The following CNTNAP5 variants were observed in gnomAD, a reference collection of about 807,000 sequenced individuals.
The protein encoded by CNTNAP5 is contactin-associated protein-like 5.
In CNTNAP5, 72 loss-of-function variants were observed where a neutral mutation model predicts 150.2. That is an observed-to-expected ratio of 0.48 (90% confidence interval 0.40 to 0.58). The LOEUF (loss-of-function observed/expected upper bound fraction) is 0.58. CNTNAP5 is among the 20% of genes least tolerant of loss of function. CNTNAP5 has a pLI of 0.00. For missense variants in CNTNAP5, 1,636 were observed against 1,626.2 expected (o/e 1.01, Z -0.10); for synonymous variants, 672 against 619.8 (o/e 1.08, Z -1.25).
In CNTNAP5 at chr2:124,400,684, T is replaced by G. The variant is rs550150279; in HGVS notation, c.382-16759T>G. ...TAAAGGCATTGTTTTTTTTTTTTTT[T>G]TTTTGTTTTTTTTCTTTAGTGGAAT... On this transcript the variant is annotated intron_variant, in intron 3 of 23. Transcript: ENST00000682447. Among the ~76,000 whole-genome samples the G allele has an allele frequency of 2.4e-3, 312 of 130,446 alleles. 2 individuals carry two copies. The highest frequency in any genetic ancestry group is 3.7e-3 in the Middle Eastern group (1 of 268). 85.6% of individuals were successfully genotyped at this position (130,446 alleles called of 152,430 possible). A position where few individuals can be genotyped will look rare whatever the true frequency, so the allele number is the denominator to read the frequency against.
chr2:124,713,239 CTTTCTCT>C lies in CNTNAP5; in HGVS notation c.2078-33987_2078-33981del, dbSNP rs1218854241. Among the ~76,000 whole-genome samples the C allele has an allele frequency of 5.2e-5, 3 of 57,414 alleles. 1 individual carries two copies. The highest frequency in any genetic ancestry group is 1.4e-3 in the South Asian group (2 of 1,474). The allele number at this position is 57,414 out of a possible 152,430, so 37.7% of individuals were successfully genotyped here. ...TCTCTGTTTCTTTCTTTCTTTCTTT[CTTTCTCT>C]TTCTTTCTTTCTTTCTTTCTTTCTT... On this transcript the variant is annotated intron_variant, in intron 13 of 23. Coordinates refer to ENST00000682447, the MANE Select transcript of CNTNAP5 (RefSeq NM_001367498.1).
intron 1 of CNTNAP5, among the ~76,000 whole-genome samples, chr2:124,205,104 C>T (rs761649140): frequency 2.4e-4 from 36 of 152,264 alleles, no homozygotes; most frequent in Middle Eastern, 3.4e-3. Context: ...GAAACTGGTA[C>T]GGTGTGACCG....
At chr2:124,605,809 C>CAAAAA (rs36090348) in intron 11 of CNTNAP5, among the ~76,000 whole-genome samples, 8 of 34,354 alleles carry the variant, frequency 2.3e-4, no homozygotes, top group African/African-American at 4.1e-4. Flanking sequence ...AAGACTCTGT[C>CAAAAA]AAAAAAAAAA....
At chr2:124,861,147 T>C (rs1293857630) in intron 19 of CNTNAP5, among the ~76,000 whole-genome samples, 1 of 151,994 alleles carries the variant, frequency 6.6e-6, no homozygotes, top group Admixed American at 6.6e-5. Flanking sequence ...TGAAAAGGGA[T>C]CTTATCAGGG....
At chr2:124,804,229 G>T (rs913762746) in intron 19 of CNTNAP5, among the ~76,000 whole-genome samples, 2 of 152,122 alleles carry the variant, frequency 1.3e-5, no homozygotes, top group African/African-American at 4.8e-5. Flanking sequence ...GAGTCCTCCT[G>T]GTCACTTTCT....
At chr2:124,463,839 T>TA (rs1693312882) in intron 6 of CNTNAP5, among the ~76,000 whole-genome samples, 1 of 152,154 alleles carries the variant, frequency 6.6e-6, no homozygotes, top group Non-Finnish European at 1.5e-5. Flanking sequence ...GTGTGGCACT[T>TA]AGAGTTGGGG....
chr2:124,047,384 C>A (rs17010766), intron 1 of CNTNAP5, among the ~76,000 whole-genome samples: 10,360 of 152,322 alleles, frequency 0.068, 431 homozygotes, highest in East Asian at 0.18. Context: ...GGTGAAGTAT[C>A]TTACCCAAGG....
rs1558826103 is a variant in CNTNAP5, at chr2:124,917,346, A to C, written c.*3058A>C. ...TTTTTTCCACCAAACAAATCTATTT[A>C]TGTAAGCAACAGTATATTTGCTTAC... On this transcript the variant is annotated 3_prime_UTR_variant, in exon 24 of 24. Transcript: ENST00000682447. Among the ~76,000 whole-genome samples the C allele has an allele frequency of 1.3e-5, 2 of 152,120 alleles. No individual in the cohort carries two copies. The highest frequency in any genetic ancestry group is 2.9e-5 in the Non-Finnish European group (2 of 67,982).
chr2:124,284,284 C>T (rs911848427), intron 3 of CNTNAP5, among the ~76,000 whole-genome samples: 9 of 152,174 alleles, frequency 5.9e-5, no homozygotes, highest in African/African-American at 2.2e-4. Flanking sequence ...TCTTTTTCCA[C>T]AAGGCTACTG....
At chr2:124,860,885 C>G (rs927661175) in intron 19 of CNTNAP5, among the ~76,000 whole-genome samples, 2 of 152,058 alleles carry the variant, frequency 1.3e-5, no homozygotes, top group Non-Finnish European at 2.9e-5. Flanking sequence ...CAGCGGTGAT[C>G]ACCATGGGCT....
chr2:124,288,840 A>G (rs1175294944), intron 3 of CNTNAP5, among the ~76,000 whole-genome samples: 1 of 152,226 alleles, frequency 6.6e-6, no homozygotes, highest in Non-Finnish European at 1.5e-5. Flanking sequence ...GTTCAAAGCC[A>G]AGAACAGTGA....
At chr2:124,347,470 G>A (rs917142405) in intron 3 of CNTNAP5, among the ~76,000 whole-genome samples, 4 of 152,158 alleles carry the variant, frequency 2.6e-5, no homozygotes, top group African/African-American at 4.8e-5. Flanking sequence ...AGAAGGACAC[G>A]TCTGAGAGCA....
At chr2:124,868,623 C>A (rs1161600001) in intron 20 of CNTNAP5, among the ~76,000 whole-genome samples, 1 of 152,104 alleles carries the variant, frequency 6.6e-6, no homozygotes, top group East Asian at 1.9e-4. Context: ...ACTTCCAATA[C>A]AATGTATTTA....
chr2:124,328,656 G>A lies in CNTNAP5; in HGVS notation c.381+86263G>A, dbSNP rs149940438. 6.8e-3 allele frequency among the ~76,000 whole-genome samples: 1,029 copies of A among 152,316 alleles called. 9 individuals carry two copies. Among genetic ancestry groups the A allele is most frequent in the East Asian group, 0.03 (158 of 5,184 alleles). ...GGATAAAAAGAAGAGTGAAGTATGC[G>A]ATGTCTCTGGGAGAATAAGTTTTTT... On this transcript the variant is annotated intron_variant, in intron 3 of 23. Coordinates refer to ENST00000682447, the MANE Select transcript of CNTNAP5 (RefSeq NM_001367498.1).
At chr2:124,525,463 T>C (rs980778358) in intron 9 of CNTNAP5, among the ~76,000 whole-genome samples, 1 of 152,180 alleles carries the variant, frequency 6.6e-6, no homozygotes, top group African/African-American at 2.4e-5. Flanking sequence ...GTTTCCTTAT[T>C]TTTTTCCTAT....
At chr2:124,246,422 G>T (rs1027696799) in intron 3 of CNTNAP5, among the ~76,000 whole-genome samples, 1 of 152,114 alleles carries the variant, frequency 6.6e-6, no homozygotes. Context: ...AGGCATGAAG[G>T]TGTGTCAGGG....
intron 1 of CNTNAP5, among the ~76,000 whole-genome samples, chr2:124,148,571 T>A (rs1684318770): frequency 6.8e-6 from 1 of 147,648 alleles, no homozygotes; most frequent in Non-Finnish European, 1.5e-5. Context: ...ATATATAATA[T>A]ATGTTAGGGC....
intron 1 of CNTNAP5, among the ~76,000 whole-genome samples, chr2:124,041,716 A>T (rs2104632101): frequency 6.6e-6 from 1 of 152,274 alleles, no homozygotes; most frequent in Admixed American, 6.5e-5. Flanking sequence ...GGAAAGGAAC[A>T]TTCTACAACA....
intron 1 of CNTNAP5, among the ~76,000 whole-genome samples, chr2:124,124,246 C>T (rs1180600121): frequency 1.3e-5 from 2 of 151,934 alleles, no homozygotes; most frequent in Admixed American, 6.6e-5. Flanking sequence ...AATCATGGCA[C>T]GAGAACTATG....
Sources: gnomAD v4.1 joint callset for allele counts (sites outside exome capture counted in the v4.1 genomes callset) on GRCh38, gnomAD v4.1.1 for gene constraint, MANE v1.5 for transcripts, NCBI Gene and HGNC (gene_info 2026-07-23, HGNC 2026-07-21) for gene names.